AUH: variants seen among roughly 807,000 people sequenced by gnomAD.
AUH encodes the protein AU RNA binding methylglutaconyl-CoA hydratase.
AUH carries 29 observed loss-of-function variants against 42.3 expected under a neutral mutation model. The ratio of observed to expected loss-of-function variants is 0.69; its 90% CI spans 0.51 to 0.93. AUH has a LOEUF of 0.93. Ranked by LOEUF, AUH falls within the 40% of genes least tolerant of loss-of-function variation. AUH has a pLI of 0.00. For synonymous variants in AUH, 174 were observed against 166.4 expected (o/e 1.05, Z -0.35); for missense variants, 452 against 438.1 (o/e 1.03, Z -0.28).
chr9:91,217,447 G>A (rs1014354818), intron 7 of AUH, 120 bp from the exon 8 acceptor site: 52 of 1,046,666 alleles, frequency 5.0e-5, no homozygotes, highest in Admixed American at 2.0e-4. Flanking sequence ...ATGGCTGTCA[G>A]ATACTAGATG....
Position 91,361,618 on chromosome 9 carries a change from C to T in AUH, c.262+10G>A, listed in dbSNP as rs908506385. The stretch of plus-strand genomic sequence containing the variant: ...CGCTGCCCCGCGCCTGCCCAGCGTT[C>T]GCACCTCACCTCGGTTCTCCTCCTC... On this transcript the variant is annotated intron_variant, in intron 1 of 9. Transcript: ENST00000375731. 20 of 1,576,626 alleles carry T rather than the reference C, an allele frequency of 1.3e-5. No individual in the cohort carries two copies. The African/African-American group carries it at 2.7e-4, about 21-fold the overall frequency.
At chr9:91,285,270 T>C (rs530038055) in intron 6 of AUH, among the ~76,000 whole-genome samples, 10 of 138,270 alleles carry the variant, frequency 7.2e-5, no homozygotes, top group African/African-American at 2.8e-4. Flanking sequence ...TGAGAACACT[T>C]GGACATAGGA....
chr9:91,262,226 T>A (rs892749494), intron 6 of AUH, among the ~76,000 whole-genome samples: 13 of 152,228 alleles, frequency 8.5e-5, no homozygotes, highest in Admixed American at 7.8e-4. Flanking sequence ...CATCCATTAC[T>A]CGCCAACCTT....
At chr9:91,272,172 C>T (rs540078626) in intron 6 of AUH, among the ~76,000 whole-genome samples, 94 of 152,298 alleles carry the variant, frequency 6.2e-4, no homozygotes, top group Admixed American at 1.0e-3. Context: ...CTAAAATAGA[C>T]ATTAGGATAA....
In AUH at chr9:91,349,685, C is replaced by G. The variant is rs1041584267; in HGVS notation, c.418+6198G>C. ...TATGTAAGGCAGAGAGACAGACACA[C>G]ACACACACACACACACACAGAGAGA... On this transcript the variant is annotated intron_variant, in intron 3 of 9. Transcript: ENST00000375731. 9.5e-5 allele frequency among the ~76,000 whole-genome samples: 14 copies of G among 146,998 alleles called. No homozygotes were observed. The East Asian group carries it at 2.7e-3, about 29-fold the overall frequency.
chr9:91,313,506 C>G (rs531358546), intron 4 of AUH, among the ~76,000 whole-genome samples: 1 of 151,146 alleles, frequency 6.6e-6, no homozygotes, highest in Admixed American at 6.6e-5. Context: ...GAGATCGAGA[C>G]CATCCTGGCT....
intron 4 of AUH, among the ~76,000 whole-genome samples, chr9:91,324,629 TGA>T (rs1829841867): frequency 6.7e-6 from 1 of 149,930 alleles, no homozygotes; most frequent in South Asian, 2.1e-4. Flanking sequence ...ATTAAAATGT[TGA>T]GTTTTTTTTT....
intron 6 of AUH, among the ~76,000 whole-genome samples, chr9:91,281,725 CATCT>C (rs894641194): frequency 6.6e-6 from 1 of 152,142 alleles, no homozygotes; most frequent in African/African-American, 2.4e-5. Context: ...TTATGTTACC[CATCT>C]AGTCTATCAA....
intron 6 of AUH, among the ~76,000 whole-genome samples, chr9:91,292,844 AT>A (rs1234155850): frequency 1.3e-5 from 2 of 152,058 alleles, no homozygotes; most frequent in Non-Finnish European, 2.9e-5. Flanking sequence ...CAGATACTAC[AT>A]TTTTACAAAT....
intron 6 of AUH, among the ~76,000 whole-genome samples, chr9:91,271,469 T>C (rs1825116816): frequency 6.6e-6 from 1 of 152,242 alleles, no homozygotes; most frequent in South Asian, 2.1e-4. Flanking sequence ...ATCAACAAGA[T>C]ATTAAGACTG....
intron 6 of AUH, among the ~76,000 whole-genome samples, chr9:91,265,558 T>C (rs751509384): frequency 5.3e-5 from 8 of 152,194 alleles, no homozygotes; most frequent in Non-Finnish European, 1.0e-4. Context: ...CTCGTGTCAG[T>C]TGGCATATTT....
intron 6 of AUH, among the ~76,000 whole-genome samples, chr9:91,281,812 T>G (rs1338477280): frequency 1.3e-5 from 2 of 152,054 alleles, no homozygotes; most frequent in South Asian, 4.2e-4. Flanking sequence ...ACCATTCCCA[T>G]CCCAGTAGAG....
At chr9:91,250,385 CTATT>C (rs954554524) in intron 6 of AUH, among the ~76,000 whole-genome samples, 13 of 152,330 alleles carry the variant, frequency 8.5e-5, no homozygotes, top group African/African-American at 3.1e-4. Context: ...AACACAGTGT[CTATT>C]TATTACATTT....
At chr9:91,244,058 C>G (rs887580041) in intron 6 of AUH, among the ~76,000 whole-genome samples, 16 of 152,148 alleles carry the variant, frequency 1.1e-4, no homozygotes, top group African/African-American at 3.4e-4. Context: ...TTTCAAAACT[C>G]TAAGACATAT....
At chr9:91,319,391 A>C (rs906394228) in intron 4 of AUH, among the ~76,000 whole-genome samples, 3 of 152,206 alleles carry the variant, frequency 2.0e-5, no homozygotes, top group Non-Finnish European at 2.9e-5. Flanking sequence ...GCAGAGTTGG[A>C]AAGGGCTCCC....
chr9:91,237,335 A>T (rs1828245524), intron 6 of AUH, among the ~76,000 whole-genome samples: 1 of 152,142 alleles, frequency 6.6e-6, no homozygotes, highest in African/African-American at 2.4e-5. Flanking sequence ...CACTCAAATG[A>T]ATTTCTTTCG....
intron 3 of AUH, among the ~76,000 whole-genome samples, chr9:91,351,904 T>C (rs1832019631): frequency 6.6e-6 from 1 of 152,166 alleles, no homozygotes; most frequent in Non-Finnish European, 1.5e-5. Context: ...CTGTATTGAA[T>C]GCTGTAGGTA....
intron 1 of AUH, among the ~76,000 whole-genome samples, chr9:91,359,402 A>AT (rs1388329671): frequency 6.6e-6 from 1 of 152,028 alleles, no homozygotes; most frequent in Non-Finnish European, 1.5e-5. Flanking sequence ...TGTTGTTGCT[A>AT]TTTTACATAA....
At chr9:91,352,993 T>C (rs1832106885) in intron 3 of AUH, among the ~76,000 whole-genome samples, 1 of 152,064 alleles carries the variant, frequency 6.6e-6, no homozygotes, top group Non-Finnish European at 1.5e-5. Flanking sequence ...AGAGAAACCT[T>C]TGTGGGAGAA....
Sources: gnomAD v4.1 joint callset for allele counts (sites outside exome capture counted in the v4.1 genomes callset) on GRCh38, gnomAD v4.1.1 for gene constraint, MANE v1.5 for transcripts, NCBI Gene and HGNC (gene_info 2026-07-23, HGNC 2026-07-21) for gene names.